SNRPN: variants seen among roughly 807,000 people sequenced by gnomAD.
The protein encoded by SNRPN is small nuclear ribonucleoprotein-associated protein N.
Under a neutral mutation model 25.2 loss-of-function variants are expected in SNRPN, and 7 were observed. That is an observed-to-expected ratio of 0.28 (90% CI 0.16 to 0.52). The LOEUF is 0.52. Among genes scored for constraint, SNRPN ranks in the 20% least tolerant of loss-of-function variants. The probability of loss-of-function intolerance (pLI) is 0.96; values close to 1 mark genes in which losing one functional copy is unlikely to be tolerated. For missense variants in SNRPN, 196 were observed against 322.5 expected, an observed-to-expected ratio of 0.61 and a Z score of 3.00; for synonymous variants, 124 against 110.6, an observed-to-expected ratio of 1.12 and a Z score of -0.76.
intron 2 of SNRPN, among the ~76,000 whole-genome samples, chr15:24,916,171 G>A (rs993453291): frequency 6.6e-6 from 1 of 151,838 alleles, no homozygotes; most frequent in Non-Finnish European, 1.5e-5. Context: ...TACGTGGGCC[G>A]GGCTAGTCTT....
upstream of SNRPN, among the ~76,000 whole-genome samples, chr15:24,855,003 CAAAA>C (rs10600812): frequency 7.1e-6 from 1 of 140,814 alleles, no homozygotes. Context: ...GACTCCGTCT[CAAAA>C]AAAAAAAAAA....
intron 1 of SNRPN, among the ~76,000 whole-genome samples, chr15:24,828,499 A>G (rs887886274): frequency 6.6e-6 from 1 of 152,112 alleles, no homozygotes; most frequent in Admixed American, 6.5e-5. Context: ...GTGAGCTGAG[A>G]TCGCGCCACT....
intron 2 of SNRPN, among the ~76,000 whole-genome samples, chr15:24,914,495 T>C (rs928429275): frequency 6.6e-6 from 1 of 152,078 alleles, no homozygotes; most frequent in African/African-American, 2.4e-5. Context: ...GCCCAGGGTT[T>C]GAGACCAGTC....
At chr15:24,915,442 A>T (rs2059453228) in intron 2 of SNRPN, among the ~76,000 whole-genome samples, 5 of 152,150 alleles carry the variant, frequency 3.3e-5, no homozygotes, top group Admixed American at 3.3e-4. Flanking sequence ...AGAGTTCTTG[A>T]TAAACAGACT....
intron 1 of SNRPN, among the ~76,000 whole-genome samples, chr15:24,866,847 T>A (rs1211061415): frequency 6.6e-6 from 1 of 152,182 alleles, no homozygotes; most frequent in Non-Finnish European, 1.5e-5. Context: ...TCAACCATGT[T>A]GTCGCAAATG....
chr15:24,836,043 G>A (rs984940097), intron 2 of SNRPN, among the ~76,000 whole-genome samples: 1 of 152,046 alleles, frequency 6.6e-6, no homozygotes, highest in Non-Finnish European at 1.5e-5. Flanking sequence ...AGAAGTTAAC[G>A]TTCTGGAGGC....
At chr15:24,855,091 T>A (rs903200604), upstream of SNRPN, among the ~76,000 whole-genome samples, 6 of 152,218 alleles carry the variant, frequency 3.9e-5, no homozygotes, top group African/African-American at 9.6e-5. Flanking sequence ...CAGGGTACAC[T>A]TTTTTAAATC....
chr15:24,919,339 G>A (rs1048848338), intron 2 of SNRPN, among the ~76,000 whole-genome samples: 20 of 151,406 alleles, frequency 1.3e-4, no homozygotes, highest in Middle Eastern at 3.4e-3. Context: ...GCTGAGGCAG[G>A]AGAATGGCGT....
intron 3 of SNRPN, among the ~76,000 whole-genome samples, chr15:24,940,328 A>G (rs572785516): frequency 2.8e-4 from 42 of 152,192 alleles, no homozygotes; most frequent in Non-Finnish European, 4.9e-4. Flanking sequence ...TGACAGTTTT[A>G]TAGCTTTAGG....
At chr15:24,970,452 A>T (rs2076255798) in intron 3 of SNRPN, among the ~76,000 whole-genome samples, 1 of 151,912 alleles carries the variant, frequency 6.6e-6, no homozygotes, top group Non-Finnish European at 1.5e-5. Flanking sequence ...AGTGGGGGAC[A>T]CCTGTAATCC....
intron 2 of SNRPN, chr15:24,908,868 T>TC (rs1174853874): frequency 1.6e-6 from 1 of 644,668 alleles, no homozygotes; most frequent in East Asian, 2.7e-5. Flanking sequence ...TTTTTCTTTT[T>TC]TTTTGCTGTC....
In SNRPN at chr15:24,839,738, C is replaced by T. The variant is rs144164116; in HGVS notation, c.-579+9833C>T. On this transcript the variant is annotated intron_variant, in intron 2 of 12. Coordinates refer to the SNRPN transcript ENST00000400100. ...CCATCAGTAAACCATGCCACACCAT[C>T]AGCAGGCTTGTCTTGGAGCCTTAGG... Among the ~76,000 whole-genome samples the T allele has an allele frequency of 6.9e-3, 1,058 of 152,254 alleles. 15 individuals carry two copies. Among genetic ancestry groups the T allele is most frequent in the African/African-American group, 0.024 (1,011 of 41,500 alleles).
At chr15:24,855,870 T>C (rs181891440), upstream of SNRPN, among the ~76,000 whole-genome samples, 14 of 152,028 alleles carry the variant, frequency 9.2e-5, no homozygotes, top group East Asian at 2.7e-3. Context: ...TGTGTTAAAT[T>C]GATTTAATAT....
chr15:24,842,195 A>G (rs2051768384), intron 2 of SNRPN, among the ~76,000 whole-genome samples: 1 of 151,978 alleles, frequency 6.6e-6, no homozygotes, highest in African/African-American at 2.4e-5. Flanking sequence ...CCAATTTTTC[A>G]AAGCAGGTTC....
chr15:24,927,057 A>G, intron 3 of SNRPN, among the ~76,000 whole-genome samples: 1 of 151,996 alleles, frequency 6.6e-6, no homozygotes, highest in African/African-American at 2.4e-5. Flanking sequence ...CAGATTCACA[A>G]ATACTAATAT....
At position 24,929,953 on chromosome 15, in the gene SNRPN, C is replaced by T. The variant is rs1315542497; in HGVS notation, c.-391+9829C>T. Among the ~76,000 whole-genome samples the T allele has an allele frequency of 2.0e-5, 3 of 151,412 alleles. No homozygotes were observed. The highest frequency in any genetic ancestry group is 4.4e-5 in the Non-Finnish European group (3 of 67,824). On this transcript the variant is annotated intron_variant, in intron 3 of 11. Coordinates refer to the SNRPN transcript ENST00000400097. This position sits in a 1 kb window ranked among gnomAD's most constrained non-coding sequence, Gnocchi z 5.3. ...CTATAATCCCAGCACTTTGGGAGGC[C>T]AAGGCGGGTGGATCACGAGGTCAGG...
intron 3 of SNRPN, among the ~76,000 whole-genome samples, chr15:24,923,974 A>G (rs1442053835): frequency 1.7e-5 from 2 of 120,004 alleles, no homozygotes; most frequent in South Asian, 2.9e-4. Context: ...TCTGTCACCC[A>G]GGCTGGATGC....
chr15:24,836,630 C>T (rs1204303216), intron 2 of SNRPN, among the ~76,000 whole-genome samples: 2 of 152,062 alleles, frequency 1.3e-5, no homozygotes, highest in African/African-American at 4.8e-5. Context: ...CCAGGCTGGT[C>T]TCAAACTCCT....
intron 1 of SNRPN, among the ~76,000 whole-genome samples, chr15:24,960,236 A>G (rs2074546823): frequency 6.6e-6 from 1 of 152,174 alleles, no homozygotes; most frequent in Non-Finnish European, 1.5e-5. Flanking sequence ...CATGATTAAC[A>G]TTTTTAGGAA....
Sources: allele counts gnomAD v4.1 joint callset (sites outside exome capture counted in the v4.1 genomes callset), GRCh38; gene constraint gnomAD v4.1.1; non-coding constraint Gnocchi (gnomAD v3.1); transcripts MANE v1.5; gene names NCBI Gene and HGNC (gene_info 2026-07-23, HGNC 2026-07-21).